Variants in LIMCH1 observed in about 807,000 individuals in gnomAD.
LIMCH1 encodes LIM and calponin homology domains-containing protein 1.
In LIMCH1, 113 loss-of-function variants were observed where a neutral mutation model predicts 176.5. The observed-to-expected ratio is 0.64, with a 90% CI of 0.55 to 0.75. The LOEUF is 0.75. LIMCH1 is among the 30% of genes least tolerant of loss of function. LIMCH1 has a pLI of 0.00. For synonymous variants in LIMCH1, 619 were observed against 645.9 expected (o/e 0.96, Z 0.63); for missense variants, 1,674 against 1,814.9 (o/e 0.92, Z 1.41).
chr4:41,401,802 T>G (rs1054732166), intron 1 of LIMCH1, among the ~76,000 whole-genome samples: 4 of 152,216 alleles, frequency 2.6e-5, no homozygotes, highest in Non-Finnish European at 4.4e-5. Context: ...CAAGTGTGAA[T>G]GGGAGTTCAC....
chr4:41,380,935 T>G (rs2154103256), intron 1 of LIMCH1, among the ~76,000 whole-genome samples: 1 of 152,350 alleles, frequency 6.6e-6, no homozygotes. Context: ...CCACAGCTTC[T>G]TTAGGAGAAT....
In LIMCH1 at chr4:41,685,834, A is replaced by G; in HGVS notation, c.4088+4A>G. The G allele has an allele frequency of 1.9e-6, 3 of 1,611,772 alleles. No homozygotes were observed. Among genetic ancestry groups the G allele is most frequent in the Non-Finnish European group, 2.5e-6 (3 of 1,178,986 alleles). ...AGTCTCCCAGTGAAAGGCGGAAGTGAGTAACCAGACACGATGGTTGTGGGA... is the reference window on the plus strand; with the variant it reads ...AGTCTCCCAGTGAAAGGCGGAAGTGGGTAACCAGACACGATGGTTGTGGGA... On this transcript the variant is annotated splice_donor_region_variant and intron_variant, in intron 28 of 31. Coordinates refer to ENST00000503057, the MANE Select transcript of LIMCH1 (RefSeq NM_001330672.2).
intron 8 of LIMCH1, among the ~76,000 whole-genome samples, chr4:41,627,475 G>GA (rs200306505): frequency 2.6e-3 from 392 of 150,868 alleles, no homozygotes; most frequent in Admixed American, 7.5e-3. Flanking sequence ...GATGTTGGAA[G>GA]AAAAAAAAAT....
Position 41,629,708 on chromosome 4 carries a change from G to A in LIMCH1, c.1245G>A (p.Glu415=), listed in dbSNP as rs2093199950. 6.5e-7 allele frequency: 1 copy of A among 1,535,980 alleles called. No individual in the cohort carries two copies. The highest frequency in any genetic ancestry group is 1.4e-5 in the African/African-American group (1 of 73,120). ...CAGAAGCTGACTTGGAGACGTGGGAGAGACTCAAAGTGTCAGAAAAGGCGA... is the reference window on the plus strand; with the variant it reads ...CAGAAGCTGACTTGGAGACGTGGGAAAGACTCAAAGTGTCAGAAAAGGCGA... ...NITEADLETW[E]RLKVSEKARD... The change falls in exon 9 of 32, where the codon GAG becomes GAA. Residue 415 remains glutamate (E), a synonymous_variant. Transcript: ENST00000503057.
chr4:41,551,385 AAAT>A (rs2080396755), intron 1 of LIMCH1: 1 of 152,212 alleles, frequency 6.6e-6, no homozygotes, highest in Non-Finnish European at 1.5e-5. Context: ...GCTCAGGACA[AAAT>A]AACACTGGTA....
At chr4:41,542,072 G>T (rs1399304542) in intron 1 of LIMCH1, among the ~76,000 whole-genome samples, 2 of 152,106 alleles carry the variant, frequency 1.3e-5, no homozygotes, top group Non-Finnish European at 2.9e-5. Context: ...CTCTGGGCTG[G>T]ATGGGAGCTC....
intron 29 of LIMCH1, among the ~76,000 whole-genome samples, chr4:41,689,252 A>G (rs1361669684): frequency 6.6e-6 from 1 of 152,230 alleles, no homozygotes; most frequent in African/African-American, 2.4e-5. Context: ...AGACTACAAC[A>G]CAAACTTCTT....
At chr4:41,378,591 G>T (rs1458923036) in intron 1 of LIMCH1, among the ~76,000 whole-genome samples, 2 of 152,206 alleles carry the variant, frequency 1.3e-5, no homozygotes, top group African/African-American at 2.4e-5. Flanking sequence ...AGAAGACATT[G>T]GTGGTAGTGT....
chr4:41,510,859 G>A (rs1256742495), intron 2 of LIMCH1, among the ~76,000 whole-genome samples: 1 of 152,166 alleles, frequency 6.6e-6, no homozygotes, highest in African/African-American at 2.4e-5. Context: ...AAAGTGCTGG[G>A]ATTAAAGGTG....
intron 1 of LIMCH1, among the ~76,000 whole-genome samples, chr4:41,413,703 G>T (rs2059686960): frequency 6.6e-6 from 1 of 152,118 alleles, no homozygotes; most frequent in Admixed American, 6.5e-5. Context: ...AACATCTTAT[G>T]CCATTTGTTC....
At chr4:41,524,009 T>G (rs2076370207) in intron 2 of LIMCH1, among the ~76,000 whole-genome samples, 1 of 152,210 alleles carries the variant, frequency 6.6e-6, no homozygotes, top group African/African-American at 2.4e-5. Flanking sequence ...AACTGGTCTT[T>G]GAATTTAGTG....
chr4:41,684,346 G>C (rs374137928), intron 26 of LIMCH1, 51 bp from the exon 27 acceptor site: 1 of 1,567,518 alleles, frequency 6.4e-7, no homozygotes, highest in South Asian at 1.2e-5. Flanking sequence ...CAAGAAGTTC[G>C]ATTCAGTTAC....
At chr4:41,630,480 T>C (rs576553866) in intron 9 of LIMCH1, among the ~76,000 whole-genome samples, 5 of 152,338 alleles carry the variant, frequency 3.3e-5, no homozygotes, top group Non-Finnish European at 7.4e-5. Flanking sequence ...AACTTGACTT[T>C]CAAATAATTT....
chr4:41,495,965 A>C (rs1488223632), intron 2 of LIMCH1, among the ~76,000 whole-genome samples: 1 of 152,082 alleles, frequency 6.6e-6, no homozygotes. Context: ...TCATTATTAC[A>C]TTTAAATCAG....
At chr4:41,673,577 C>T (rs912118652) in intron 22 of LIMCH1, among the ~76,000 whole-genome samples, 26 of 152,234 alleles carry the variant, frequency 1.7e-4, no homozygotes, top group African/African-American at 5.5e-4. Context: ...TGCTGGCCTC[C>T]GTAGACTCTG....
chr4:41,594,207 A>T (rs1220192708), intron 1 of LIMCH1, among the ~76,000 whole-genome samples: 1 of 152,216 alleles, frequency 6.6e-6, no homozygotes, highest in African/African-American at 2.4e-5. Flanking sequence ...CTGGGGTCTA[A>T]TCAAAGATCA....
chr4:41,495,871 G>C (rs2154176304), intron 2 of LIMCH1, among the ~76,000 whole-genome samples: 1 of 152,248 alleles, frequency 6.6e-6, no homozygotes, highest in Admixed American at 6.5e-5. Context: ...AAAGAAAAAT[G>C]TGTATCTTCT....
chr4:41,561,211 T>G (rs1173366931), intron 1 of LIMCH1, among the ~76,000 whole-genome samples: 1 of 152,220 alleles, frequency 6.6e-6, no homozygotes, highest in Non-Finnish European at 1.5e-5. Flanking sequence ...TCACACACAT[T>G]TAAATGTTTT....
At chr4:41,540,924 A>G (rs958754808) in intron 1 of LIMCH1, among the ~76,000 whole-genome samples, 5 of 152,196 alleles carry the variant, frequency 3.3e-5, no homozygotes, top group African/African-American at 4.8e-5. Flanking sequence ...CACAGCTGCT[A>G]CGTTCCTTGT....
Sources: gnomAD v4.1 joint callset for allele counts (sites outside exome capture counted in the v4.1 genomes callset) on GRCh38, gnomAD v4.1.1 for gene constraint, MANE v1.5 for transcripts, NCBI Gene and HGNC (gene_info 2026-07-23, HGNC 2026-07-21) for gene names.